CLEC5A: variants seen among roughly 807,000 people sequenced by gnomAD.
CLEC5A encodes the protein C-type lectin domain family 5 member A.
In CLEC5A, 15 loss-of-function variants were observed where a neutral mutation model predicts 24.4. The observed-to-expected ratio is 0.62, with a 90% CI of 0.41 to 0.95. CLEC5A has a LOEUF of 0.95. Among genes scored for constraint, CLEC5A ranks in the 40% least tolerant of loss-of-function variants. CLEC5A has a pLI of 0.00. For synonymous variants in CLEC5A, 71 were observed against 72.6 expected, an observed-to-expected ratio of 0.98 and a Z score of 0.11; for missense variants, 211 against 224.0, an observed-to-expected ratio of 0.94 and a Z score of 0.37.
chr7:141,944,756 G>A (rs1164693678), intron 3 of CLEC5A, among the ~76,000 whole-genome samples: 1 of 152,114 alleles, frequency 6.6e-6, no homozygotes, highest in Non-Finnish European at 1.5e-5. Context: ...GAAACAAATT[G>A]GCATTCACTT....
In CLEC5A at chr7:141,935,727, T is replaced by C. The variant is rs1202391327; in HGVS notation, c.345+87A>G. ...CCTCTCCATTCCTCACTCCATCCCA[T>C]CCCCACTCCCCCAAGTTTCTACCCC... is the stretch of plus-strand genomic sequence containing the variant. On this transcript the variant is annotated intron_variant, in intron 5 of 6. Coordinates refer to ENST00000546910, the MANE Select transcript of CLEC5A (RefSeq NM_013252.3). 19 of 1,116,448 alleles carry C rather than the reference T, an allele frequency of 1.7e-5. No individual in the cohort carries two copies. The Admixed American group carries it at 4.8e-4, about 28-fold the overall frequency. The allele number at this position is 1,116,448 out of a possible 1,614,324, so 69.2% of individuals were successfully genotyped here. A position where few individuals can be genotyped will look rare whatever the true frequency, so the allele number is the denominator to read the frequency against.
chr7:141,946,169 C>T (rs1191826347), intron 2 of CLEC5A, 45 bp downstream of exon 2: 4 of 1,539,534 alleles, frequency 2.6e-6, no homozygotes, highest in Non-Finnish European at 3.5e-6. Flanking sequence ...AGTCAATGAG[C>T]AAGACAACAT....
chr7:141,943,759 G>A lies in CLEC5A; in HGVS notation c.208+137C>T, dbSNP rs879995375. On this transcript the variant is annotated intron_variant, in intron 4 of 6. Transcript: ENST00000546910. ...TAAAAGCCAAAATAATATGTACAAA[G>A]AGAATGAACTGGAAGGTCGTTATGG... 1.0e-5 allele frequency: 7 copies of A among 670,382 alleles called. No homozygotes were observed. In the South Asian group the frequency reaches 1.2e-4, roughly 11 times the overall value. The allele number at this position is 670,382 out of a possible 1,614,324, so 41.5% of individuals were successfully genotyped here.
intron 4 of CLEC5A, among the ~76,000 whole-genome samples, chr7:141,938,503 A>T (rs1281848962): frequency 6.6e-6 from 1 of 152,210 alleles, no homozygotes; most frequent in African/African-American, 2.4e-5. Flanking sequence ...TAGCCTCAAA[A>T]GGGCAAATGT....
At chr7:141,936,630 A>C (rs1802638054) in intron 4 of CLEC5A, among the ~76,000 whole-genome samples, 1 of 152,152 alleles carries the variant, frequency 6.6e-6, no homozygotes, top group East Asian at 1.9e-4. Flanking sequence ...AGTCTAGGCC[A>C]CAAGGACTGC....
intron 6 of CLEC5A, among the ~76,000 whole-genome samples, 165 bp from the exon 7 acceptor site, chr7:141,930,383 G>A (rs1487174039): frequency 1.3e-5 from 2 of 152,150 alleles, no homozygotes; most frequent in Non-Finnish European, 2.9e-5. Context: ...CTCCATCTGC[G>A]TAGCCTCCTT....
intron 2 of CLEC5A, among the ~76,000 whole-genome samples, 169 bp from the exon 3 acceptor site, chr7:141,945,569 T>C (rs915149749): frequency 6.6e-6 from 1 of 152,126 alleles, no homozygotes; most frequent in Non-Finnish European, 1.5e-5. Context: ...TACGTTCCCT[T>C]ATTCATATTT....
chr7:141,942,380 A>G (rs1361658857), intron 4 of CLEC5A, among the ~76,000 whole-genome samples: 19 of 152,156 alleles, frequency 1.2e-4, no homozygotes, highest in African/African-American at 4.6e-4. Context: ...TCATATGCAT[A>G]AGAATGAAAG....
chr7:141,944,396 A>G (rs1477530454), intron 3 of CLEC5A, among the ~76,000 whole-genome samples: 2 of 152,216 alleles, frequency 1.3e-5, no homozygotes, highest in African/African-American at 2.4e-5. Context: ...TCCCAGATTC[A>G]GTATGAAAAT....
At chr7:141,937,724 C>T (rs1439953485) in intron 4 of CLEC5A, among the ~76,000 whole-genome samples, 2 of 152,162 alleles carry the variant, frequency 1.3e-5, no homozygotes, top group African/African-American at 4.8e-5. Context: ...TTGAGTGAGA[C>T]TCAGTGCTAT....
intron 4 of CLEC5A, among the ~76,000 whole-genome samples, chr7:141,942,540 C>T (rs1390454636): frequency 1.3e-5 from 2 of 152,056 alleles, no homozygotes; most frequent in African/African-American, 4.8e-5. Context: ...TAATATCCCA[C>T]AAGCACAGGC....
At position 141,940,013 on chromosome 7, in the gene CLEC5A, G is replaced by T. The variant is rs113335312; in HGVS notation, c.208+3883C>A. The stretch of plus-strand genomic sequence containing the variant: ...TGGAGAGTTTAACACTCTGCTTTCA[G>T]CATTGGACCGATCTTTCAGTTGGAA... On this transcript the variant is annotated intron_variant, in intron 4 of 6. Transcript: ENST00000546910. Among the ~76,000 whole-genome samples, 661 of 152,252 alleles carry T rather than the reference G, an allele frequency of 4.3e-3. 5 individuals carry two copies. Among genetic ancestry groups the T allele is most frequent in the African/African-American group, 0.015 (635 of 41,566 alleles).
chr7:141,932,770 T>C (rs1802502843), intron 5 of CLEC5A, among the ~76,000 whole-genome samples: 1 of 152,206 alleles, frequency 6.6e-6, no homozygotes, highest in Admixed American at 6.5e-5. Context: ...TTCATCCTGT[T>C]TTGGTAAATG....
intron 5 of CLEC5A, 145 bp downstream of exon 5, chr7:141,935,669 C>G: frequency 1.4e-6 from 1 of 711,388 alleles, no homozygotes; most frequent in East Asian, 2.5e-5. Context: ...ACCTCCAGTC[C>G]AGAACAAATA....
In CLEC5A at chr7:141,928,808, G is replaced by C. The variant is rs565961962; in HGVS notation, c.*1296C>G. On this transcript the variant is annotated 3_prime_UTR_variant, in exon 7 of 7. Transcript: ENST00000546910. ...TATTAGACACAAAATGGTATGTGCT[G>C]TACTTTGGTGACTATTATTTCCATC... The C allele has an allele frequency of 4.3e-4, 65 of 152,256 alleles. No individual in the cohort carries two copies. Among genetic ancestry groups the C allele is most frequent in the African/African-American group, 1.4e-3 (58 of 41,534 alleles). 9.4% of individuals were successfully genotyped at this position (152,256 alleles called of 1,614,324 possible). A position where few individuals can be genotyped will look rare whatever the true frequency, so the allele number is the denominator to read the frequency against.
chr7:141,932,021 T>A (rs1346554941), intron 5 of CLEC5A, among the ~76,000 whole-genome samples, 195 bp from the exon 6 acceptor site: 1 of 152,088 alleles, frequency 6.6e-6, no homozygotes, highest in African/African-American at 2.4e-5. Context: ...AAACCTGAGG[T>A]CTTGTTAAAA....
intron 2 of CLEC5A, 62 bp from the exon 3 acceptor site, chr7:141,945,462 C>T: frequency 8.8e-7 from 1 of 1,141,108 alleles, no homozygotes; most frequent in South Asian, 1.2e-5. Flanking sequence ...ATATGACAAA[C>T]AAGTATCAGC....
rs75803387 is a variant in CLEC5A at position 141,929,600 on chromosome 7, C to T, written c.*504G>A. The T allele has an allele frequency of 0.025, 3,782 of 152,916 alleles. 151 individuals are homozygous for T. Among genetic ancestry groups the T allele is most frequent in the African/African-American group, 0.087 (3,619 of 41,522 alleles). The allele number at this position is 152,916 out of a possible 1,614,324, so 9.5% of individuals were successfully genotyped here. On this transcript the variant is annotated 3_prime_UTR_variant, in exon 7 of 7. Coordinates refer to ENST00000546910, the MANE Select transcript of CLEC5A (RefSeq NM_013252.3). ...TCCAAGCTCAGCACTAGGAGCCCTC[C>T]CCAAGGCCAAGCCTTAGTTCAGACT...
intron 4 of CLEC5A, among the ~76,000 whole-genome samples, chr7:141,936,871 T>C (rs73538450): frequency 0.016 from 2,433 of 152,018 alleles, 69 homozygotes; most frequent in African/African-American, 0.056. Context: ...CACAGTAGAA[T>C]AGGGCACTAG....
Sources: gnomAD v4.1 joint callset for allele counts (sites outside exome capture counted in the v4.1 genomes callset) on GRCh38, gnomAD v4.1.1 for gene constraint, MANE v1.5 for transcripts, NCBI Gene and HGNC (gene_info 2026-07-23, HGNC 2026-07-21) for gene names.